Variants in ABI3BP observed in about 807,000 individuals in gnomAD.
The protein encoded by ABI3BP is target of Nesh-SH3.
In ABI3BP, 216 loss-of-function variants were observed where a neutral mutation model predicts 268.6. The observed-to-expected ratio is 0.80, with a 90% confidence interval of 0.72 to 0.90. The LOEUF is 0.90. Ranked by LOEUF, ABI3BP falls within the 40% of genes least tolerant of loss-of-function variation. ABI3BP has a pLI of 0.00. For synonymous variants in ABI3BP, 730 were observed against 730.0 expected, an observed-to-expected ratio of 1.00 and a Z score of 0.00; for missense variants, 2,090 against 2,182.4, an observed-to-expected ratio of 0.96 and a Z score of 0.84.
At chr3:100,899,453 G>A (rs188343015) in intron 3 of ABI3BP, among the ~76,000 whole-genome samples, 262 of 152,276 alleles carry the variant, frequency 1.7e-3, no homozygotes, top group African/African-American at 6.1e-3. Flanking sequence ...TTTACAATGA[G>A]TATCTAAATG....
chr3:100,830,569 T>C lies in ABI3BP; in HGVS notation c.2458+9A>G. 2.0e-6 allele frequency: 3 copies of C among 1,533,544 alleles called. No individual in the cohort carries two copies. Among genetic ancestry groups the C allele is most frequent in the Non-Finnish European group, 2.6e-6 (3 of 1,145,158 alleles). 95.0% of individuals were successfully genotyped at this position (1,533,544 alleles called of 1,614,324 possible). A position where few individuals can be genotyped will look rare whatever the true frequency, so the allele number is the denominator to read the frequency against. On this transcript the variant is annotated intron_variant, in intron 32 of 67. Transcript: ENST00000471714. ...GAGGCAGATGTTGATGGACATAATG[T>C]GCCATTACCTGCTGTTGTCCCTGAA...
intron 9 of ABI3BP, among the ~76,000 whole-genome samples, chr3:100,868,780 C>A (rs77304180): frequency 0.012 from 1,902 of 152,204 alleles, 38 homozygotes; most frequent in African/African-American, 0.043. Context: ...ATTAATTTAG[C>A]AGGGCATAAA....
Position 100,778,345 on chromosome 3 carries a change from A to G in ABI3BP, c.4272T>C (p.Pro1424=). Reference sequence around the variant, plus strand: ...GTAAAGGTTTTCTTCGTGGGTGTGTAGGTCTGGGTGGCAAGGGTGGGCGGC... The same window carrying G: ...GTAAAGGTTTTCTTCGTGGGTGTGTGGGTCTGGGTGGCAAGGGTGGGCGGC... ...GTRRPPLPPR[P]THPRRKPLPP... The change falls in exon 59 of 68, where the codon CCT becomes CCC. Residue 1424 remains proline, a synonymous_variant. Coordinates refer to ENST00000471714, the MANE Select transcript of ABI3BP (RefSeq NM_001375547.2). 6.2e-7 allele frequency: 1 copy of G among 1,613,676 alleles called. No individual in the cohort carries two copies. The highest frequency in any genetic ancestry group is 8.5e-7 in the Non-Finnish European group (1 of 1,179,752).
At chr3:100,846,081 T>TTCATGAGATTAGAATTTC (rs1316212696) in intron 20 of ABI3BP, among the ~76,000 whole-genome samples, 22 of 152,146 alleles carry the variant, frequency 1.4e-4, no homozygotes, top group Non-Finnish European at 2.9e-4. Flanking sequence ...AGAATTCCAG[T>TTCATGAGATTAGAATTTC]CAACACTGGT....
At chr3:100,866,351 A>G (rs1156375504) in intron 10 of ABI3BP, among the ~76,000 whole-genome samples, 3 of 152,206 alleles carry the variant, frequency 2.0e-5, no homozygotes, top group Non-Finnish European at 2.9e-5. Context: ...GTGACAAACT[A>G]TGGAGAAAAT....
chr3:100,932,945 T>C (rs2064203714), intron 1 of ABI3BP, among the ~76,000 whole-genome samples: 1 of 151,874 alleles, frequency 6.6e-6, no homozygotes, highest in Non-Finnish European at 1.5e-5. Context: ...GGACATCCAG[T>C]CACTTATGGG....
Position 100,810,286 on chromosome 3 carries a change from G to C in ABI3BP, c.3607+126C>G, listed in dbSNP as rs578085606. The C allele has an allele frequency of 2.3e-5, 17 of 726,344 alleles. 1 individual carries two copies. In the African/African-American group the frequency reaches 2.6e-4, roughly 11 times the overall value. The allele number at this position is 726,344 out of a possible 1,614,324, so 45.0% of individuals were successfully genotyped here. ...ACCAATGATAGCAGGACATCAGACA[G>C]GTAGGATTACCCATCAAAGTCTGTG... On this transcript the variant is annotated intron_variant, in intron 49 of 67. Coordinates refer to ENST00000471714, the MANE Select transcript of ABI3BP (RefSeq NM_001375547.2).
Position 100,837,152 on chromosome 3 carries a change from A to C in ABI3BP, c.2103T>G (p.Phe701Leu). The C allele has an allele frequency of 6.5e-7, 1 of 1,535,018 alleles. No homozygotes were observed. Among genetic ancestry groups the C allele is most frequent in the South Asian group, 1.2e-5 (1 of 83,892 alleles). ...PTKSVSEPVPFETEAPSMTIV... is the reference protein window; with the variant it reads ...PTKSVSEPVPLETEAPSMTIV... ...TGGTCATTGAGGGAGCTTCAGTTTC[A>C]AATGGAACAGGCTCAGAGACTGCAT... The change falls in exon 27 of 68, where the codon TTT (phenylalanine) becomes TTG (leucine). Residue 701 changes from phenylalanine (F) to leucine (L), a missense_variant. Transcript: ENST00000471714.
intron 4 of ABI3BP, among the ~76,000 whole-genome samples, chr3:100,893,975 A>G (rs72928360): frequency 6.7e-4 from 102 of 152,182 alleles, no homozygotes; most frequent in African/African-American, 2.4e-3. Flanking sequence ...GATAAAGGAT[A>G]GTCTAGATTT....
intron 40 of ABI3BP, among the ~76,000 whole-genome samples, chr3:100,819,966 A>G (rs73135544): frequency 0.14 from 21,072 of 150,676 alleles, 1,952 homozygotes; most frequent in South Asian, 0.27. Flanking sequence ...AAAAAAAAAA[A>G]AAAGAAAGAA....
At position 100,873,250 on chromosome 3, in the gene ABI3BP, A is replaced by G. The variant is rs144584571; in HGVS notation, c.910+1591T>C. ...TTGAAAAACACATGAAGAGATAGCA[A>G]TTTCTTTTCAGGTTTTTTTAAAAAA... On this transcript the variant is annotated intron_variant, in intron 9 of 67. Coordinates refer to ENST00000471714, the MANE Select transcript of ABI3BP (RefSeq NM_001375547.2). 5.3e-4 allele frequency among the ~76,000 whole-genome samples: 81 copies of G among 152,304 alleles called. No individual in the cohort carries two copies. The East Asian group carries it at 0.015, about 28-fold the overall frequency.
intron 1 of ABI3BP, among the ~76,000 whole-genome samples, chr3:100,973,023 T>C (rs2084397533): frequency 6.6e-6 from 1 of 152,184 alleles, no homozygotes; most frequent in South Asian, 2.1e-4. Flanking sequence ...ACAGTTGACA[T>C]AGCACCACAC....
At chr3:100,847,881 A>C (rs1339144642) in intron 18 of ABI3BP, among the ~76,000 whole-genome samples, 1 of 152,182 alleles carries the variant, frequency 6.6e-6, no homozygotes, top group Non-Finnish European at 1.5e-5. Flanking sequence ...GAATAAGCAA[A>C]ACCCAGTTGG....
intron 8 of ABI3BP, 120 bp downstream of exon 8, chr3:100,875,388 A>C: frequency 1.3e-6 from 1 of 745,836 alleles, no homozygotes; most frequent in South Asian, 1.7e-5. Flanking sequence ...TAAACAGTGA[A>C]AGGAAGTGAA....
rs530818834 is a variant in ABI3BP at position 100,750,358 on chromosome 3, T to G, written c.*137A>C. On this transcript the variant is annotated 3_prime_UTR_variant, in exon 68 of 68. Transcript: ENST00000471714. ...TACTCTCAGCAATCTTTTCTAATAA[T>G]AAACATCTAGTATTGCTATTAATTA... 1.6e-5 allele frequency: 9 copies of G among 561,998 alleles called. No homozygotes were observed. The highest frequency in any genetic ancestry group is 1.4e-4 in the African/African-American group (7 of 51,418). The allele number at this position is 561,998 out of a possible 1,614,324, so 34.8% of individuals were successfully genotyped here. A position where few individuals can be genotyped will look rare whatever the true frequency, so the allele number is the denominator to read the frequency against.
Position 100,774,627 on chromosome 3 carries a change from AG to A in ABI3BP, c.4508del (p.Pro1503LeufsTer73). On this transcript the variant is annotated frameshift_variant, in exon 61 of 68. Coordinates refer to ENST00000471714, the MANE Select transcript of ABI3BP (RefSeq NM_001375547.2). LOFTEE classifies it high-confidence loss of function. ...TACCTTTGAATCTTGGCTTCCCAAG[AG>A]GATCAGTTTCTCTTGTTGGGCTTGA... The part of the protein sequence containing the change: ...FSSSPTRETD[P>X]LGKPRFKGPH... The A allele has an allele frequency of 6.3e-7, 1 of 1,586,170 alleles. No homozygotes were observed. Among genetic ancestry groups the A allele is most frequent in the Non-Finnish European group, 8.6e-7 (1 of 1,165,644 alleles).
At chr3:100,973,860 G>A (rs1470495661) in intron 1 of ABI3BP, among the ~76,000 whole-genome samples, 1 of 152,140 alleles carries the variant, frequency 6.6e-6, no homozygotes, top group East Asian at 1.9e-4. Context: ...TTCCCTCTGT[G>A]CCAGGCAAAT....
intron 6 of ABI3BP, among the ~76,000 whole-genome samples, chr3:100,881,149 T>C (rs1177496315): frequency 6.6e-6 from 1 of 152,248 alleles, no homozygotes; most frequent in Admixed American, 6.5e-5. Context: ...AACTTAACCT[T>C]TGATGATGTA....
At chr3:100,875,451 T>C (rs1302524343) in intron 8 of ABI3BP, 57 bp downstream of exon 8, 2 of 1,329,736 alleles carry the variant, frequency 1.5e-6, no homozygotes, top group Admixed American at 1.7e-5. Flanking sequence ...AAAAGCCCTA[T>C]CCTCAAAAGA....
Sources: gnomAD v4.1 joint callset for allele counts (sites outside exome capture counted in the v4.1 genomes callset) on GRCh38, gnomAD v4.1.1 for gene constraint, MANE v1.5 for transcripts, NCBI Gene and HGNC (gene_info 2026-07-23, HGNC 2026-07-21) for gene names.